Variants in ATOSA observed in about 807,000 individuals in gnomAD.
ATOSA encodes the protein atos homolog protein A.
At chr15:52,608,949 C>G in the ATOSA span, 1 of 1,609,070 alleles carries the variant, frequency 6.2e-7, no homozygotes, top group African/African-American at 1.3e-5. Context: ...TTTCCTTATA[C>G]TTATTTGTAC....
the ATOSA span, among the ~76,000 whole-genome samples, chr15:52,655,709 G>A: frequency 7.2e-5 from 11 of 152,052 alleles, no homozygotes; most frequent in Admixed American, 3.9e-4. Context: ...TGAGGGATAG[G>A]GGATAATGTT....
At chr15:52,701,668 C>T in the ATOSA span, among the ~76,000 whole-genome samples, 1 of 152,086 alleles carries the variant, frequency 6.6e-6, no homozygotes, top group Non-Finnish European at 1.5e-5. Flanking sequence ...ATAAGGATTC[C>T]TAACTACGAT....
the ATOSA span, among the ~76,000 whole-genome samples, chr15:52,689,530 T>C: frequency 6.6e-6 from 1 of 152,198 alleles, no homozygotes; most frequent in Non-Finnish European, 1.5e-5. Flanking sequence ...GGTAATTGCC[T>C]TTAATAGTAA....
At chr15:52,592,340 G>C in the ATOSA span, among the ~76,000 whole-genome samples, 1 of 152,142 alleles carries the variant, frequency 6.6e-6, no homozygotes, top group African/African-American at 2.4e-5. Context: ...TGAAAACCCA[G>C]ATTTGACTCC....
the ATOSA span, among the ~76,000 whole-genome samples, chr15:52,636,346 G>A: frequency 5.3e-5 from 8 of 152,042 alleles, no homozygotes; most frequent in Middle Eastern, 3.2e-3. Context: ...GTTACCAAGT[G>A]CTATGGGCTA....
At chr15:52,631,511 T>C in the ATOSA span, among the ~76,000 whole-genome samples, 1 of 152,206 alleles carries the variant, frequency 6.6e-6, no homozygotes, top group Non-Finnish European at 1.5e-5. Flanking sequence ...ATTGTTCAAC[T>C]TTCCAAAGGA....
At chr15:52,672,119 T>A in the ATOSA span, among the ~76,000 whole-genome samples, 21 of 131,418 alleles carry the variant, frequency 1.6e-4, no homozygotes, top group African/African-American at 5.7e-4. Flanking sequence ...GGAGGGCTGC[T>A]TGAGCCCAGG....
chr15:52,618,170 C>G, the ATOSA span, among the ~76,000 whole-genome samples: 1 of 152,156 alleles, frequency 6.6e-6, no homozygotes, highest in Non-Finnish European at 1.5e-5. Context: ...TCCTGAGTAG[C>G]TGGGGCTACA....
chr15:52,656,825 C>T, the ATOSA span: 1 of 152,164 alleles, frequency 6.6e-6, no homozygotes, highest in African/African-American at 2.4e-5. Flanking sequence ...AAATTAGTAT[C>T]ACCACTATTA....
At chr15:52,603,762 G>C in the ATOSA span, among the ~76,000 whole-genome samples, 1 of 152,204 alleles carries the variant, frequency 6.6e-6, no homozygotes, top group Non-Finnish European at 1.5e-5. Flanking sequence ...ACTCATATGG[G>C]GGAGCTTAAC....
chr15:52,582,624 T>C, the ATOSA span, among the ~76,000 whole-genome samples: 1 of 152,208 alleles, frequency 6.6e-6, no homozygotes, highest in African/African-American at 2.4e-5. Context: ...CCTTTCCTCA[T>C]CTGCAGGTTC....
At chr15:52,694,137 CGT>C in the ATOSA span, among the ~76,000 whole-genome samples, 78 of 147,380 alleles carry the variant, frequency 5.3e-4, no homozygotes, top group Middle Eastern at 3.5e-3. Context: ...TGTGTGTGTG[CGT>C]GTGTGTGTGT....
At chr15:52,609,172 T>C in the ATOSA span, 2 of 1,613,564 alleles carry the variant, frequency 1.2e-6, no homozygotes, top group Non-Finnish European at 1.7e-6. Flanking sequence ...ATTTCTTGTT[T>C]GATGTTTCAA....
the ATOSA span, among the ~76,000 whole-genome samples, chr15:52,583,171 GT>G: frequency 6.6e-6 from 1 of 152,116 alleles, no homozygotes; most frequent in South Asian, 2.1e-4. Context: ...GAAGTGTACA[GT>G]TTTCCCCAAA....
chr15:52,679,790 TCCTCCCC>T, the ATOSA span, among the ~76,000 whole-genome samples: 1 of 12,250 alleles, frequency 8.2e-5, no homozygotes, highest in Non-Finnish European at 1.8e-4. Flanking sequence ...CTCCTCCTCC[TCCTCCCC>T]CCTCCCCCTC....
chr15:52,703,245 G>T, the ATOSA span, among the ~76,000 whole-genome samples: 2 of 152,100 alleles, frequency 1.3e-5, no homozygotes, highest in African/African-American at 4.8e-5. Context: ...TTGGGCACAG[G>T]GGTAGAGGGA....
chr15:52,600,421 G>T, the ATOSA span, among the ~76,000 whole-genome samples: 10 of 152,016 alleles, frequency 6.6e-5, no homozygotes, highest in Admixed American at 3.3e-4. Flanking sequence ...GAGACTACAG[G>T]TGTGAGTCAC....
the ATOSA span, chr15:52,658,855 G>GCA: frequency 2.6e-6 from 1 of 386,666 alleles, no homozygotes; most frequent in Non-Finnish European, 4.5e-6. Context: ...GCATGGTGAT[G>GCA]CACACCTGTA....
the ATOSA span, chr15:52,584,945 C>T: frequency 6.3e-7 from 1 of 1,596,382 alleles, no homozygotes; most frequent in Non-Finnish European, 8.6e-7. Context: ...TAAATAAGGT[C>T]TGAAGAAACA....
Sources: allele counts gnomAD v4.1 joint callset (sites outside exome capture counted in the v4.1 genomes callset), GRCh38; gene constraint gnomAD v4.1.1; transcripts MANE v1.5; gene names NCBI Gene and HGNC (gene_info 2026-07-23, HGNC 2026-07-21).